NMNAT1: variants seen among roughly 807,000 people sequenced by gnomAD.
NMNAT1 encodes nicotinamide/nicotinic acid mononucleotide adenylyltransferase 1.
Under a neutral mutation model 16.7 loss-of-function variants are expected in NMNAT1, and 11 were observed. The ratio of observed to expected loss-of-function variants is 0.66; its 90% CI spans 0.41 to 1.09. NMNAT1 has a LOEUF of 1.09. Among genes scored for constraint, NMNAT1 ranks in the 50% least tolerant of loss-of-function variants. The pLI is 0.00. For synonymous variants in NMNAT1, 110 were observed against 119.8 expected (o/e 0.92, Z 0.53); for missense variants, 280 against 332.3 (o/e 0.84, Z 1.22).
intron 1 of NMNAT1, among the ~76,000 whole-genome samples, chr1:9,964,750 C>T (rs1641502040): frequency 6.6e-6 from 1 of 151,262 alleles, no homozygotes; most frequent in African/African-American, 2.4e-5. Context: ...AGATCAAGAC[C>T]ATCCTGGGCT....
intron 1 of NMNAT1, among the ~76,000 whole-genome samples, chr1:9,963,556 C>T (rs1228498633): frequency 2.6e-5 from 4 of 151,850 alleles, no homozygotes; most frequent in Non-Finnish European, 5.9e-5. Flanking sequence ...ATTACAGGCG[C>T]ACACCACCAC....
At chr1:9,989,607 T>C (rs1468044610), downstream of NMNAT1, among the ~76,000 whole-genome samples, 1 of 152,164 alleles carries the variant, frequency 6.6e-6, no homozygotes, top group Non-Finnish European at 1.5e-5. Context: ...ACGGCTGGAC[T>C]TCAGGGGAAG....
At chr1:9,967,987 A>G (rs1389593752) in intron 1 of NMNAT1, among the ~76,000 whole-genome samples, 1 of 152,192 alleles carries the variant, frequency 6.6e-6, no homozygotes, top group Admixed American at 6.6e-5. Flanking sequence ...AAAATCAAAA[A>G]ACAAAAGACA....
At chr1:9,989,855 C>T (rs545835658), downstream of NMNAT1, among the ~76,000 whole-genome samples, 1 of 152,332 alleles carries the variant, frequency 6.6e-6, no homozygotes, top group East Asian at 1.9e-4. Context: ...CATTGTAACA[C>T]CCCTTCTGGG....
At chr1:9,966,860 C>G (rs749488924) in intron 1 of NMNAT1, among the ~76,000 whole-genome samples, 5 of 152,110 alleles carry the variant, frequency 3.3e-5, no homozygotes, top group African/African-American at 4.8e-5. Flanking sequence ...TGACCTCAGA[C>G]TTTCAACAGC....
chr1:9,980,700 A>G (rs1489909528), intron 3 of NMNAT1, among the ~76,000 whole-genome samples: 1 of 150,930 alleles, frequency 6.6e-6, no homozygotes, highest in Non-Finnish European at 1.5e-5. Context: ...TCTGTCGCCC[A>G]GGTTGGAGTG....
chr1:9,951,088 CAAAAAAAA>C (rs547799055), intron 1 of NMNAT1: 2 of 105,832 alleles, frequency 1.9e-5, no homozygotes, highest in South Asian at 3.2e-4. Context: ...GACTCTGTTT[CAAAAAAAA>C]AAAAAAAAGA....
chr1:9,994,101 CTTT>C, the NMNAT1 span, among the ~76,000 whole-genome samples: 265 of 106,026 alleles, frequency 2.5e-3, no homozygotes, highest in African/African-American at 0.011. Flanking sequence ...CAAATGTTAG[CTTT>C]TTTTTTTTTT....
chr1:9,967,538 AG>A (rs2101682255), intron 1 of NMNAT1: 1 of 152,286 alleles, frequency 6.6e-6, no homozygotes, highest in African/African-American at 2.4e-5. Flanking sequence ...TCAGAATAAT[AG>A]CTTCACAAAT....
At chr1:9,958,674 G>A (rs574765191) in intron 1 of NMNAT1, among the ~76,000 whole-genome samples, 6 of 151,882 alleles carry the variant, frequency 4.0e-5, no homozygotes, top group East Asian at 1.9e-4. Context: ...TCCTGACCTC[G>A]TGATCCGCCC....
chr1:9,952,864 C>T (rs1022834489), intron 1 of NMNAT1, among the ~76,000 whole-genome samples: 1 of 152,038 alleles, frequency 6.6e-6, no homozygotes, highest in Admixed American at 6.6e-5. Flanking sequence ...CCACCACGCT[C>T]GGCTAGAAAC....
chr1:9,979,282 A>T (rs1247451815), intron 3 of NMNAT1, among the ~76,000 whole-genome samples: 1 of 152,038 alleles, frequency 6.6e-6, no homozygotes, highest in Non-Finnish European at 1.5e-5. Flanking sequence ...AGTGTGGGCA[A>T]CATAGTGAGA....
At position 9,962,399 on chromosome 1, in the gene NMNAT1, G is replaced by A. The variant is rs927430903; in HGVS notation, c.-56-9619G>A. Among the ~76,000 whole-genome samples, 22 of 150,610 alleles carry A rather than the reference G, an allele frequency of 1.5e-4. 1 individual carries two copies. Among genetic ancestry groups the A allele is most frequent in the African/African-American group, 5.1e-4 (21 of 41,008 alleles). ...TGGGAGGCTGAGGCAGGAGAATGGCGTGAACCCGGGAGGCGGAGCTTGCAG... is the reference window on the plus strand; with the variant it reads ...TGGGAGGCTGAGGCAGGAGAATGGCATGAACCCGGGAGGCGGAGCTTGCAG... On this transcript the variant is annotated intron_variant, in intron 1 of 4. Coordinates refer to ENST00000377205, the MANE Select transcript of NMNAT1 (RefSeq NM_022787.4).
At chr1:9,971,455 A>G (rs1009024556) in intron 1 of NMNAT1, among the ~76,000 whole-genome samples, 14 of 151,978 alleles carry the variant, frequency 9.2e-5, no homozygotes, top group African/African-American at 3.4e-4. Context: ...CTGGGATTAC[A>G]GGTGCCTGTC....
chr1:9,947,200 T>G (rs1640998994), intron 1 of NMNAT1: 2 of 152,362 alleles, frequency 1.3e-5, no homozygotes, highest in Non-Finnish European at 2.9e-5. Context: ...TCTTCTCTTT[T>G]TTTTGGAGAC....
chr1:9,976,686 G>A (rs1641821461), intron 3 of NMNAT1, among the ~76,000 whole-genome samples: 1 of 151,860 alleles, frequency 6.6e-6, no homozygotes. Flanking sequence ...GTGCAGTGGT[G>A]CATTCTCGGC....
intron 1 of NMNAT1, among the ~76,000 whole-genome samples, chr1:9,960,502 A>AAAT (rs145467504): frequency 2.0e-5 from 3 of 151,934 alleles, no homozygotes; most frequent in Non-Finnish European, 4.4e-5. Flanking sequence ...TCTCTACCAA[A>AAAT]AATAATAATA....
downstream of NMNAT1, among the ~76,000 whole-genome samples, chr1:9,986,644 A>T (rs1481624834): frequency 6.6e-6 from 1 of 152,196 alleles, no homozygotes; most frequent in African/African-American, 2.4e-5. Flanking sequence ...GAAATTTGGG[A>T]ATCAGAGGCA....
At chr1:9,992,780 C>T in the NMNAT1 span, among the ~76,000 whole-genome samples, 3 of 151,956 alleles carry the variant, frequency 2.0e-5, no homozygotes, top group South Asian at 4.2e-4. Flanking sequence ...GGTGTGGTGG[C>T]GGGTGCCTGT....
Sources: allele counts gnomAD v4.1 joint callset (sites outside exome capture counted in the v4.1 genomes callset), GRCh38; gene constraint gnomAD v4.1.1; transcripts MANE v1.5; gene names NCBI Gene and HGNC (gene_info 2026-07-23, HGNC 2026-07-21).